Variants in CIITA observed in about 807,000 individuals in gnomAD.
CIITA encodes the protein MHC class II transactivator.
In CIITA, 72 loss-of-function variants were observed where a neutral mutation model predicts 115.1. The ratio of observed to expected loss-of-function variants is 0.63; its 90% CI spans 0.52 to 0.76. CIITA has a LOEUF of 0.76. CIITA is among the 30% of genes least tolerant of loss of function. The probability of loss-of-function intolerance (pLI) is 0.00; values close to 1 mark genes in which losing one functional copy is unlikely to be tolerated. For synonymous variants in CIITA, 763 were observed against 635.6 expected (o/e 1.20, Z -3.02); for missense variants, 1,617 against 1,463.8 (o/e 1.10, Z -1.71).
Position 10,906,704 on chromosome 16 carries a change from C to T in CIITA, c.1212C>T (p.Ala404=). 1 of 1,612,428 alleles carries T rather than the reference C, an allele frequency of 6.2e-7. No homozygotes were observed. The highest frequency in any genetic ancestry group is 8.5e-7 in the Non-Finnish European group (1 of 1,179,936). ...GCCTGGCTGAGGTGCTGTTGGCTGC[C>T]AAGGAGCACCGGCGGCCGCGTGAGA... is the stretch of plus-strand genomic sequence containing the variant. The part of the protein sequence containing the change: ...QGGLAEVLLA[A]KEHRRPRETR... The change falls in exon 11 of 20, where the codon GCC becomes GCT. Residue 404 remains alanine, a synonymous_variant. Coordinates refer to ENST00000324288, the MANE Select transcript of CIITA (RefSeq NM_000246.4).
In CIITA at chr16:10,892,435, A is replaced by G. The variant is rs2144150451; in HGVS notation, c.53-2847A>G. On this transcript the variant is annotated intron_variant, in intron 1 of 19. Transcript: ENST00000324288. ...TTCTCTTCTGGGCCCAGAACAGGGC[A>G]GTAGGAGCCTCCCTCTGGTCTTCCA... Among the ~76,000 whole-genome samples the G allele has an allele frequency of 1.3e-5, 2 of 152,314 alleles. 1 individual carries two copies. The highest frequency in any genetic ancestry group is 6.8e-3 in the Middle Eastern group (2 of 294).
chr16:10,901,039 T>C lies in CIITA; in HGVS notation c.437-475T>C, dbSNP rs2144515341. On this transcript the variant is annotated intron_variant, in intron 5 of 19. Coordinates refer to ENST00000324288, the MANE Select transcript of CIITA (RefSeq NM_000246.4). The surrounding 1 kb of genome is among the most constrained non-coding windows in gnomAD (Gnocchi z 6.8). The stretch of plus-strand genomic sequence containing the variant: ...CGTTGGGTAGATGAACCATAATTTG[T>C]TTAAGCAGTCCCTTGCTAAGGGACA... Among the ~76,000 whole-genome samples the C allele has an allele frequency of 6.6e-6, 1 of 152,280 alleles. No individual in the cohort carries two copies.
Position 10,905,186 on chromosome 16 carries a change from A to C in CIITA, c.1006+374A>C, listed in dbSNP as rs562086612. On this transcript the variant is annotated intron_variant, in intron 10 of 19. Coordinates refer to ENST00000324288, the MANE Select transcript of CIITA (RefSeq NM_000246.4). ...CAGTGAATAAGAGAATTACTAAATT[A>C]CTAAATGCTTACTCTCACATACTGG... 8.5e-5 allele frequency among the ~76,000 whole-genome samples: 13 copies of C among 152,366 alleles called. No individual in the cohort carries two copies. In the South Asian group the frequency reaches 2.7e-3, roughly 32 times the overall value.
At chr16:10,893,561 T>C (rs1006972636) in intron 1 of CIITA, among the ~76,000 whole-genome samples, 1 of 151,952 alleles carries the variant, frequency 6.6e-6, no homozygotes, top group Non-Finnish European at 1.5e-5. Flanking sequence ...ATCCCAACAC[T>C]TTGGGAGGCC....
At position 10,930,845 on chromosome 16, in the gene CIITA, T is replaced by C. The variant is rs977349791; in HGVS notation, c.*6990T>C. On this transcript the variant is annotated 3_prime_UTR_variant, in exon 20 of 20. Coordinates refer to ENST00000324288, the MANE Select transcript of CIITA (RefSeq NM_000246.4). ...GCCTGCTTGGTCCTCAGGCTGTAAG[T>C]GCAGGCAGAGCTAATGTCTCTCCAT... 1 of 152,232 alleles carries C rather than the reference T, an allele frequency of 6.6e-6. No homozygotes were observed. The highest frequency in any genetic ancestry group is 2.4e-5 in the African/African-American group (1 of 41,456). The allele number at this position is 152,232 out of a possible 1,614,324, so 9.4% of individuals were successfully genotyped here.
chr16:10,887,814 T>A (rs1175783903), intron 1 of CIITA, among the ~76,000 whole-genome samples: 1 of 152,108 alleles, frequency 6.6e-6, no homozygotes, highest in African/African-American at 2.4e-5. Context: ...TGCTCTTTAA[T>A]CACAGTTCAG....
chr16:10,890,348 A>G (rs1161942841), intron 1 of CIITA, among the ~76,000 whole-genome samples: 2 of 151,396 alleles, frequency 1.3e-5, no homozygotes, highest in Non-Finnish European at 2.9e-5. Flanking sequence ...CAGTGGTGCA[A>G]TCTCAGTTCA....
intron 15 of CIITA, among the ~76,000 whole-genome samples, chr16:10,917,475 A>C (rs542128224): frequency 7.2e-6 from 1 of 138,440 alleles, no homozygotes; most frequent in African/African-American, 2.7e-5. Context: ...TGCCTGGTTC[A>C]ATGGGATTTT....
chr16:10,893,520 G>T (rs1300674567), intron 1 of CIITA, among the ~76,000 whole-genome samples: 1 of 152,024 alleles, frequency 6.6e-6, no homozygotes, highest in African/African-American at 2.4e-5. Flanking sequence ...TATACAATTT[G>T]CCCACTTAAA....
intron 9 of CIITA, 67 bp from the exon 10 acceptor site, chr16:10,904,677 C>T: frequency 6.4e-7 from 1 of 1,569,876 alleles, no homozygotes. Context: ...ACTAAGTGGC[C>T]CAGAGGGAGG....
chr16:10,913,968 GA>G (rs2039773523), intron 13 of CIITA, among the ~76,000 whole-genome samples: 1 of 106,018 alleles, frequency 9.4e-6, no homozygotes, highest in South Asian at 3.0e-4. Flanking sequence ...TAAATAAATA[GA>G]ACTCCATTCC....
In CIITA at chr16:10,904,682, G is replaced by A. The variant is rs1567411353; in HGVS notation, c.938-62G>A. ...GGCTGTAAGGACTAAGTGGCCCAGA[G>A]GGAGGGGGGTCCCCAGGGGTAACCC... On this transcript the variant is annotated intron_variant, in intron 9 of 19. Transcript: ENST00000324288. The A allele has an allele frequency of 3.8e-6, 6 of 1,587,798 alleles. No homozygotes were observed. In the South Asian group the frequency reaches 5.5e-5, roughly 15 times the overall value.
chr16:10,923,332 A>C lies in CIITA; in HGVS notation c.*22+7A>C. The C allele has an allele frequency of 3.7e-4, 318 of 866,028 alleles. No homozygotes were observed. The highest frequency in any genetic ancestry group is 5.4e-4 in the Non-Finnish European group (293 of 544,696). 53.6% of individuals were successfully genotyped at this position (866,028 alleles called of 1,614,324 possible). Reference sequence around the variant, plus strand: ...CAGCTGTGCTCTGGACAGGGTAACCAGGGTGGGCTTGGGAGGGGAGAGCCG... The same window carrying C: ...CAGCTGTGCTCTGGACAGGGTAACCCGGGTGGGCTTGGGAGGGGAGAGCCG... On this transcript the variant is annotated splice_region_variant and intron_variant, in intron 19 of 19. Transcript: ENST00000324288. This position sits in a 1 kb window ranked among gnomAD's most constrained non-coding sequence, Gnocchi z 5.2.
At chr16:10,919,888 A>G (rs915235821) in intron 16 of CIITA, among the ~76,000 whole-genome samples, 12 of 152,194 alleles carry the variant, frequency 7.9e-5, no homozygotes, top group Non-Finnish European at 1.5e-4. Context: ...ATATTGTAAA[A>G]CAGTGATTCA....
At chr16:10,922,343 G>A (rs1393024042) in intron 17 of CIITA, 64 bp from the exon 18 acceptor site, 5 of 1,607,838 alleles carry the variant, frequency 3.1e-6, no homozygotes, top group Non-Finnish European at 4.3e-6. Flanking sequence ...GGATGTGGGG[G>A]TGGCCTTGGT....
Position 10,923,091 on chromosome 16 carries a change from C to T in CIITA, c.3318-137C>T, listed in dbSNP as rs759631765. 6.9e-5 allele frequency: 53 copies of T among 765,576 alleles called. No individual in the cohort carries two copies. The highest frequency in any genetic ancestry group is 8.5e-5 in the African/African-American group (5 of 59,160). The allele number at this position is 765,576 out of a possible 1,614,324, so 47.4% of individuals were successfully genotyped here. A position where few individuals can be genotyped will look rare whatever the true frequency, so the allele number is the denominator to read the frequency against. ...TTCTCCTTTTCCCCATGACCCACACCGGTCGGTATCTTGCCAGGGGAAAAG... is the reference window on the plus strand; with the variant it reads ...TTCTCCTTTTCCCCATGACCCACACTGGTCGGTATCTTGCCAGGGGAAAAG... On this transcript the variant is annotated intron_variant, in intron 18 of 19. Transcript: ENST00000324288. This position sits in a 1 kb window ranked among gnomAD's most constrained non-coding sequence, Gnocchi z 5.2.
intron 5 of CIITA, among the ~76,000 whole-genome samples, chr16:10,900,843 G>A (rs1166266721): frequency 2.0e-5 from 3 of 151,990 alleles, no homozygotes; most frequent in Middle Eastern, 3.2e-3. Context: ...AATTAATGTT[G>A]GGTTTTATTC....
intron 1 of CIITA, among the ~76,000 whole-genome samples, chr16:10,887,482 T>C (rs1287872901): frequency 6.8e-6 from 1 of 146,478 alleles, no homozygotes; most frequent in Non-Finnish European, 1.5e-5. Flanking sequence ...AGTAGGGAAG[T>C]ATTCCTTCTC....
At position 10,923,467 on chromosome 16, in the gene CIITA, C is replaced by T; in HGVS notation, c.*22+142C>T. 1 of 681,312 alleles carries T rather than the reference C, an allele frequency of 1.5e-6. No individual in the cohort carries two copies. Among genetic ancestry groups the T allele is most frequent in the East Asian group, 2.7e-5 (1 of 36,880 alleles). The allele number at this position is 681,312 out of a possible 1,614,324, so 42.2% of individuals were successfully genotyped here. A position where few individuals can be genotyped will look rare whatever the true frequency, so the allele number is the denominator to read the frequency against. The stretch of plus-strand genomic sequence containing the variant: ...GACGCATGCGTCATCAGAGACATCC[C>T]CTCATCTCCACCCTGGGCTCGGTGG... On this transcript the variant is annotated intron_variant, in intron 19 of 19. Coordinates refer to ENST00000324288, the MANE Select transcript of CIITA (RefSeq NM_000246.4). This position sits in a 1 kb window ranked among gnomAD's most constrained non-coding sequence, Gnocchi z 5.2.
Sources: allele counts gnomAD v4.1 joint callset (sites outside exome capture counted in the v4.1 genomes callset), GRCh38; gene constraint gnomAD v4.1.1; non-coding constraint Gnocchi (gnomAD v3.1); transcripts MANE v1.5; gene names NCBI Gene and HGNC (gene_info 2026-07-23, HGNC 2026-07-21).